Variants in TSNARE1 observed in about 807,000 individuals in gnomAD.
TSNARE1 encodes t-SNARE domain-containing protein 1.
TSNARE1 carries 49 observed loss-of-function variants against 62.0 expected under a neutral mutation model. The ratio of observed to expected loss-of-function variants is 0.79; its 90% CI spans 0.63 to 1.00. TSNARE1 has a LOEUF of 1.00. TSNARE1 is among the 50% of genes least tolerant of loss of function. The pLI, the probability that TSNARE1 is intolerant of heterozygous loss-of-function variation, is 0.00. For synonymous variants in TSNARE1, 328 were observed against 294.4 expected (o/e 1.11, Z -1.17); for missense variants, 755 against 700.1 (o/e 1.08, Z -0.88).
intron 12 of TSNARE1, among the ~76,000 whole-genome samples, chr8:142,259,634 A>G (rs1238007085): frequency 6.6e-6 from 1 of 152,168 alleles, no homozygotes; most frequent in Non-Finnish European, 1.5e-5. Context: ...TTGGCCTCCC[A>G]ATTAAAAGGC....
At chr8:142,287,780 T>C (rs1323412809) in intron 10 of TSNARE1, among the ~76,000 whole-genome samples, 4 of 146,278 alleles carry the variant, frequency 2.7e-5, no homozygotes, top group Non-Finnish European at 6.0e-5. Context: ...CGGCCAGATC[T>C]CAGGGACAGT....
chr8:142,332,063 G>T (rs1198668871), intron 4 of TSNARE1, among the ~76,000 whole-genome samples: 2 of 152,230 alleles, frequency 1.3e-5, no homozygotes. Context: ...AAGGCAGGGG[G>T]TGGTCCCTCA....
chr8:142,260,566 A>T (rs375872474), intron 12 of TSNARE1, among the ~76,000 whole-genome samples: 9 of 152,222 alleles, frequency 5.9e-5, no homozygotes, highest in African/African-American at 2.2e-4. Context: ...TTTAGCCACC[A>T]TCTGACCCAG....
At chr8:142,383,693 G>C (rs563570306) in intron 1 of TSNARE1, among the ~76,000 whole-genome samples, 2 of 152,204 alleles carry the variant, frequency 1.3e-5, no homozygotes, top group Admixed American at 6.5e-5. Context: ...AGAGGCACTG[G>C]AACATTTCCT....
intron 11 of TSNARE1, chr8:142,276,318 A>G (rs1427523767): frequency 1.9e-5 from 19 of 985,376 alleles, no homozygotes; most frequent in African/African-American, 3.5e-5. Context: ...CGACCCTCTG[A>G]GCCAATGGAG....
intron 1 of TSNARE1, 33 bp from the exon 2 acceptor site, chr8:142,354,796 G>A: frequency 2.4e-6 from 3 of 1,253,634 alleles, no homozygotes; most frequent in Non-Finnish European, 2.3e-6. Flanking sequence ...GGGGAAGAGG[G>A]GGAAGACATG....
At chr8:142,385,125 A>AAGGC (rs1837026793) in intron 1 of TSNARE1, among the ~76,000 whole-genome samples, 1 of 152,076 alleles carries the variant, frequency 6.6e-6, no homozygotes, top group South Asian at 2.1e-4. Flanking sequence ...GGGAGGGAGG[A>AAGGC]AGGCAGGCAG....
intron 13 of TSNARE1, among the ~76,000 whole-genome samples, chr8:142,218,018 C>G (rs1282519348): frequency 1.2e-4 from 12 of 99,700 alleles, no homozygotes; most frequent in Non-Finnish European, 1.4e-4. Flanking sequence ...CAGTGTGTGG[C>G]CAGGATCAGG....
intron 12 of TSNARE1, chr8:142,273,546 C>T: frequency 2.0e-6 from 2 of 985,450 alleles, no homozygotes; most frequent in Non-Finnish European, 2.4e-6. Context: ...GACCTTGGCA[C>T]AGCCTCTCCC....
At chr8:142,284,860 C>T (rs1265548013) in intron 10 of TSNARE1, among the ~76,000 whole-genome samples, 2 of 152,194 alleles carry the variant, frequency 1.3e-5, no homozygotes, top group African/African-American at 2.4e-5. Context: ...GACAGCATCC[C>T]CAGCACTGTA....
chr8:142,327,568 G>T (rs1043337949), intron 6 of TSNARE1, among the ~76,000 whole-genome samples: 2 of 152,174 alleles, frequency 1.3e-5, no homozygotes, highest in Admixed American at 6.5e-5. Flanking sequence ...CCTCCATCGG[G>T]CACTCCGGGA....
intron 12 of TSNARE1, among the ~76,000 whole-genome samples, chr8:142,250,370 G>A (rs1459375047): frequency 1.3e-5 from 2 of 152,160 alleles, no homozygotes; most frequent in Admixed American, 1.3e-4. Flanking sequence ...GTGCGAGGTT[G>A]GAGCAGTGGG....
chr8:142,301,202 G>A (rs112677460), intron 9 of TSNARE1, among the ~76,000 whole-genome samples: 8 of 132,360 alleles, frequency 6.0e-5, no homozygotes, highest in Admixed American at 1.5e-4. Context: ...TTCCCCTCCC[G>A]TCAGGAGCCC....
Position 142,250,578 on chromosome 8 carries a change from C to T in TSNARE1, c.1447-20999G>A, listed in dbSNP as rs541830226. Among the ~76,000 whole-genome samples, 26 of 152,322 alleles carry T rather than the reference C, an allele frequency of 1.7e-4. 2 individuals carry two copies. The South Asian group carries it at 4.1e-3, about 24-fold the overall frequency. ...TAGCCTGCTGCCGCTTGTTTTCCTT[C>T]GGAGCGTTCTCATCTGTCTTGTTGA... On this transcript the variant is annotated intron_variant, in intron 12 of 13. Transcript: ENST00000524325.
chr8:142,231,399 G>C (rs1246945405), intron 12 of TSNARE1, among the ~76,000 whole-genome samples: 1 of 152,272 alleles, frequency 6.6e-6, no homozygotes, highest in African/African-American at 2.4e-5. Context: ...TAGGATGTGG[G>C]CAGGGTAATA....
At chr8:142,398,185 T>G (rs1446837666) in intron 1 of TSNARE1, among the ~76,000 whole-genome samples, 1 of 151,006 alleles carries the variant, frequency 6.6e-6, no homozygotes, top group African/African-American at 2.4e-5. Context: ...GCATCCAGGA[T>G]TCTTCCCAGG....
chr8:142,213,618 C>T (rs1815681904), intron 13 of TSNARE1, among the ~76,000 whole-genome samples: 1 of 152,188 alleles, frequency 6.6e-6, no homozygotes. Flanking sequence ...AGGCCAGGGC[C>T]TTCTGGAGGA....
At chr8:142,278,391 CT>C in intron 11 of TSNARE1, 11 of 985,492 alleles carry the variant, frequency 1.1e-5, no homozygotes, top group Non-Finnish European at 1.3e-5. Flanking sequence ...CTGGGTCCTT[CT>C]GTCCACTCTG....
intron 1 of TSNARE1, among the ~76,000 whole-genome samples, chr8:142,374,272 T>C (rs1836140698): frequency 1.3e-5 from 2 of 150,110 alleles, no homozygotes. Flanking sequence ...GCCATTGCAC[T>C]ACAGCATGGG....
Sources: gnomAD v4.1 joint callset for allele counts (sites outside exome capture counted in the v4.1 genomes callset) on GRCh38, gnomAD v4.1.1 for gene constraint, MANE v1.5 for transcripts, NCBI Gene and HGNC (gene_info 2026-07-23, HGNC 2026-07-21) for gene names.